PHF24: variants seen among roughly 807,000 people sequenced by gnomAD.
The protein encoded by PHF24 is Galpha inhibitory interacting protein.
Under a neutral mutation model 42.6 loss-of-function variants are expected in PHF24, and 25 were observed. The ratio of observed to expected loss-of-function variants is 0.59; its 90% confidence interval spans 0.43 to 0.82. The LOEUF is 0.82. PHF24 is among the 40% of genes least tolerant of loss of function. PHF24 has a pLI of 0.00. For missense variants in PHF24, 470 were observed against 538.1 expected (o/e 0.87, Z 1.25); for synonymous variants, 185 against 204.8 (o/e 0.90, Z 0.83).
chr9:34,879,855 C>T, the PHF24 span, among the ~76,000 whole-genome samples: 1 of 152,042 alleles, frequency 6.6e-6, no homozygotes, highest in East Asian at 1.9e-4. Flanking sequence ...GAGAACGCCA[C>T]AAAGATACTC....
At position 34,969,616 on chromosome 9, in the gene PHF24, GGGCGACAGAGCGA is replaced by G. The variant is rs543331240; in HGVS notation, c.-4-1677_-4-1665del. ...AGATCGTGCCACTGCACTCCAGCCTGGGCGACAGAGCGAGACTCTGTCTCAAAAAAAAAAAACC... is the reference window on the plus strand; with the variant it reads ...AGATCGTGCCACTGCACTCCAGCCTGGACTCTGTCTCAAAAAAAAAAAACC... On this transcript the variant is annotated intron_variant, in intron 1 of 7. Coordinates refer to ENST00000242315, the Ensembl canonical transcript of PHF24. Among the ~76,000 whole-genome samples the G allele has an allele frequency of 3.0e-3, 455 of 150,444 alleles. 1 individual carries two copies. Among genetic ancestry groups the G allele is most frequent in the African/African-American group, 0.011 (435 of 40,978 alleles).
chr9:34,863,241 G>A, the PHF24 span, among the ~76,000 whole-genome samples: 41 of 152,250 alleles, frequency 2.7e-4, no homozygotes, highest in East Asian at 7.8e-3. Flanking sequence ...GCTGGCTTTA[G>A]CACCTGCTGA....
the PHF24 span, among the ~76,000 whole-genome samples, chr9:34,718,160 A>G: frequency 1.3e-5 from 2 of 152,278 alleles, no homozygotes; most frequent in African/African-American, 2.4e-5. Context: ...CCTTTGTAGC[A>G]GGCCTGACCT....
At chr9:34,689,306 C>T in the PHF24 span, among the ~76,000 whole-genome samples, 1 of 152,070 alleles carries the variant, frequency 6.6e-6, no homozygotes, top group African/African-American at 2.4e-5. The surrounding 1 kb of genome is among the most constrained non-coding windows in gnomAD (Gnocchi z 4.1). Flanking sequence ...AGCTTAGTGT[C>T]GCTGAACTAT....
chr9:34,971,914 C>T (rs867949237), intron 2 of PHF24, among the ~76,000 whole-genome samples: 1 of 152,112 alleles, frequency 6.6e-6, no homozygotes, highest in Non-Finnish European at 1.5e-5. Context: ...GTCGAACCTC[C>T]CCCTCTTCCC....
chr9:34,688,891 C>T, the PHF24 span, among the ~76,000 whole-genome samples: 1 of 152,228 alleles, frequency 6.6e-6, no homozygotes, highest in Non-Finnish European at 1.5e-5. Flanking sequence ...TAGATGTGAT[C>T]CCAGTCCAAG....
the PHF24 span, among the ~76,000 whole-genome samples, chr9:34,789,751 A>G: frequency 4.6e-5 from 7 of 152,256 alleles, no homozygotes; most frequent in Admixed American, 4.6e-4. Flanking sequence ...GAAAATATCT[A>G]TTTAGGAATA....
chr9:34,956,290 C>T (rs942611491), upstream of PHF24, among the ~76,000 whole-genome samples: 7 of 152,184 alleles, frequency 4.6e-5, no homozygotes, highest in African/African-American at 9.7e-5. Context: ...GACGGAGTTT[C>T]GCTCTGTCAC....
At chr9:34,697,557 C>T in the PHF24 span, among the ~76,000 whole-genome samples, 3 of 152,090 alleles carry the variant, frequency 2.0e-5, no homozygotes, top group African/African-American at 7.2e-5. Flanking sequence ...TGACCTCAGC[C>T]GATCCACCTG....
At chr9:34,887,721 AT>A in the PHF24 span, among the ~76,000 whole-genome samples, 1 of 151,880 alleles carries the variant, frequency 6.6e-6, no homozygotes, top group East Asian at 1.9e-4. Flanking sequence ...CATTACCCTG[AT>A]TTTTTTGCAT....
the PHF24 span, among the ~76,000 whole-genome samples, chr9:34,705,082 G>C: frequency 6.6e-6 from 1 of 151,354 alleles, no homozygotes; most frequent in Admixed American, 6.6e-5. Flanking sequence ...TACATCTCTA[G>C]TAGAAGTCAT....
the PHF24 span, among the ~76,000 whole-genome samples, chr9:34,677,463 C>T: frequency 7.4e-6 from 1 of 136,042 alleles, no homozygotes; most frequent in Non-Finnish European, 1.5e-5. Context: ...GTGGCACGAT[C>T]TTGGCTCACT....
At chr9:34,812,894 T>A in the PHF24 span, among the ~76,000 whole-genome samples, 1 of 152,258 alleles carries the variant, frequency 6.6e-6, no homozygotes, top group Non-Finnish European at 1.5e-5. Context: ...TTTTAGTGTT[T>A]CCTTGCTTCC....
At chr9:34,723,320 C>A in the PHF24 span, 2 of 1,551,700 alleles carry the variant, frequency 1.3e-6, no homozygotes, top group African/African-American at 1.4e-5. Context: ...TGAGGCAGAG[C>A]CAGGTTGTCT....
At chr9:34,837,636 G>A in the PHF24 span, 2 of 1,510,108 alleles carry the variant, frequency 1.3e-6, no homozygotes, top group South Asian at 1.2e-5. Context: ...GGAGTCAGAG[G>A]AGAGATTGGG....
the PHF24 span, among the ~76,000 whole-genome samples, chr9:34,854,609 G>A: frequency 6.6e-6 from 1 of 152,084 alleles, no homozygotes; most frequent in East Asian, 1.9e-4. Context: ...TTAAACTTGA[G>A]TTCTAATTTT....
the PHF24 span, among the ~76,000 whole-genome samples, chr9:34,680,707 TAAAAAAAA>T: frequency 1.3e-4 from 8 of 60,056 alleles, no homozygotes; most frequent in Non-Finnish European, 2.4e-4. Flanking sequence ...AATAAATAAA[TAAAAAAAA>T]AAATAAAATA....
the PHF24 span, chr9:34,917,689 T>C: frequency 5.1e-6 from 4 of 785,348 alleles, no homozygotes; most frequent in Non-Finnish European, 9.4e-6. Flanking sequence ...ACAGAACCTA[T>C]GGCAGGGACA....
At chr9:34,870,483 C>T in the PHF24 span, among the ~76,000 whole-genome samples, 12 of 152,030 alleles carry the variant, frequency 7.9e-5, no homozygotes, top group Non-Finnish European at 1.6e-4. Flanking sequence ...TAGTTTTACC[C>T]TTTTCCAGAA....
Sources: allele counts gnomAD v4.1 joint callset (sites outside exome capture counted in the v4.1 genomes callset), GRCh38; gene constraint gnomAD v4.1.1; non-coding constraint Gnocchi (gnomAD v3.1); transcripts MANE v1.5; gene names NCBI Gene and HGNC (gene_info 2026-07-23, HGNC 2026-07-21).